Variants in SCAF11 observed in about 807,000 individuals in gnomAD.
SCAF11 encodes the protein protein SCAF11.
Under a neutral mutation model 140.5 loss-of-function variants are expected in SCAF11, and 47 were observed. The observed-to-expected ratio is 0.33, with a 90% CI of 0.26 to 0.43. The LOEUF is 0.43. Among genes scored for constraint, SCAF11 ranks in the 20% least tolerant of loss-of-function variants. SCAF11 has a pLI of 1.00. For missense variants in SCAF11, 1,645 were observed against 1,705.1 expected (o/e 0.96, Z 0.62); for synonymous variants, 557 against 579.4 (o/e 0.96, Z 0.55).
At chr12:45,988,166 A>C (rs1306305249) in intron 1 of SCAF11, among the ~76,000 whole-genome samples, 2 of 152,216 alleles carry the variant, frequency 1.3e-5, no homozygotes, top group South Asian at 2.1e-4. Flanking sequence ...TTCACTGGGC[A>C]AGGTAAGTCA....
chr12:45,961,400 A>T, intron 3 of SCAF11: 1 of 681,102 alleles, frequency 1.5e-6, no homozygotes, highest in South Asian at 1.6e-5. Context: ...GCACAGAGTC[A>T]AGTACACTGA....
At chr12:45,958,081 T>C (rs998275071) in intron 3 of SCAF11, among the ~76,000 whole-genome samples, 57 of 151,820 alleles carry the variant, frequency 3.8e-4, no homozygotes, top group Non-Finnish European at 5.5e-4. Flanking sequence ...TTTTTTTTTT[T>C]CCCAGTAGAG....
chr12:45,954,659 T>C (rs1377393053), intron 3 of SCAF11: 4 of 148,638 alleles, frequency 2.7e-5, no homozygotes, highest in African/African-American at 1.0e-4. Context: ...AGGCTTGAAC[T>C]CCTGGGGCTC....
At position 45,990,421 on chromosome 12, in the gene SCAF11, C is replaced by T. The variant is rs1946569760; in HGVS notation, c.-90G>A. ...GTAGGTTCCCAGGTCCCAGTCACTC[C>T]GCTGCCAAGTTCCCCAACATGGACT... is the stretch of plus-strand genomic sequence containing the variant. On this transcript the variant is annotated 5_prime_UTR_variant, in exon 1 of 15. Transcript: ENST00000369367. 6.5e-6 allele frequency: 8 copies of T among 1,232,174 alleles called. No homozygotes were observed. The East Asian group carries it at 2.5e-4, about 39-fold the overall frequency. 76.3% of individuals were successfully genotyped at this position (1,232,174 alleles called of 1,614,324 possible). A position where few individuals can be genotyped will look rare whatever the true frequency, so the allele number is the denominator to read the frequency against.
At chr12:45,932,657 GCTT>G (rs1945078232) in intron 9 of SCAF11, among the ~76,000 whole-genome samples, 1 of 152,096 alleles carries the variant, frequency 6.6e-6, no homozygotes, top group Admixed American at 6.6e-5. Flanking sequence ...CATCTTAGTA[GCTT>G]CAAGAATAAA....
At chr12:45,951,749 A>T (rs373479291) in intron 3 of SCAF11, 22 bp from the exon 4 acceptor site, 116 of 1,461,372 alleles carry the variant, frequency 7.9e-5, no homozygotes, top group Non-Finnish European at 1.0e-4. Context: ...TTAACAAATT[A>T]TATCTTTACA....
intron 5 of SCAF11, among the ~76,000 whole-genome samples, chr12:45,946,015 C>G (rs954493246): frequency 6.6e-6 from 1 of 152,084 alleles, no homozygotes; most frequent in Non-Finnish European, 1.5e-5. Context: ...AAACAACAAT[C>G]TTACTGGCTG....
chr12:45,926,896 G>A lies in SCAF11; in HGVS notation c.2805C>T (p.Ser935=). 1.2e-6 allele frequency: 2 copies of A among 1,613,540 alleles called. No homozygotes were observed. The highest frequency in any genetic ancestry group is 1.7e-6 in the Non-Finnish European group (2 of 1,180,006). ...TTGAGGGGGACCTAGAATGAGATCT[G>A]GACCTAGACCACTTTCTGGTTCTCC... is the stretch of plus-strand genomic sequence containing the variant. ...RERRTRKWSR[S]RSHSRSPSRC... The change falls in exon 11 of 15, where the codon TCC becomes TCT. Residue 935 remains serine, a synonymous_variant. Transcript: ENST00000369367.
chr12:45,981,114 C>T (rs961301159), intron 1 of SCAF11, among the ~76,000 whole-genome samples: 4 of 152,144 alleles, frequency 2.6e-5, no homozygotes, highest in Non-Finnish European at 4.4e-5. Flanking sequence ...GAGTGATATT[C>T]GGATTATCAC....
At chr12:45,990,600 CCTCCCTCCCCTCCCCTCCCTGCGCGT>C (rs1283644411), upstream of SCAF11, 3 of 1,224,964 alleles carry the variant, frequency 2.4e-6, no homozygotes, top group Non-Finnish European at 2.0e-6. Flanking sequence ...TGTCTAGCCT[CCTCCCTCCCCTCCCCTCCCTGCGCGT>C]CTCCCTCCTC....
chr12:45,927,891 C>T lies in SCAF11; in HGVS notation c.1810G>A (p.Glu604Lys). ...EHKDFTLKTE[E>K]LIESPKLESS... Reference sequence around the variant, plus strand: ...TCTAACTTGGGGCTCTCTATAAGCTCCTCTGTTTTTAGTGTAAAATCTTTA... The same window carrying T: ...TCTAACTTGGGGCTCTCTATAAGCTTCTCTGTTTTTAGTGTAAAATCTTTA... Residue 604 changes from glutamate to lysine, a missense_variant, in exon 11 of 15, where the codon GAG (glutamate) becomes AAG (lysine). Transcript: ENST00000369367. 6.2e-7 allele frequency: 1 copy of T among 1,612,552 alleles called. No individual in the cohort carries two copies. The highest frequency in any genetic ancestry group is 1.1e-5 in the South Asian group (1 of 90,726).
intron 2 of SCAF11, among the ~76,000 whole-genome samples, chr12:45,962,802 A>C (rs971016969): frequency 2.0e-5 from 3 of 152,230 alleles, no homozygotes; most frequent in African/African-American, 7.2e-5. Flanking sequence ...AAGAGGTCCC[A>C]GCATGGGCCT....
At chr12:45,991,248 A>G (rs1475307445), upstream of SCAF11, among the ~76,000 whole-genome samples, 3 of 152,156 alleles carry the variant, frequency 2.0e-5, no homozygotes, top group Non-Finnish European at 4.4e-5. Context: ...GGGCTTTCCC[A>G]TGTCTTAACC....
At chr12:45,985,796 T>C (rs1946447938) in intron 1 of SCAF11, among the ~76,000 whole-genome samples, 1 of 152,210 alleles carries the variant, frequency 6.6e-6, no homozygotes. Flanking sequence ...TAGAGAAGCA[T>C]CAATCTGAAA....
intron 2 of SCAF11, 119 bp from the exon 3 acceptor site, chr12:45,961,976 C>T (rs1372972780): frequency 6.3e-5 from 39 of 616,746 alleles, no homozygotes; most frequent in Non-Finnish European, 8.6e-5. Flanking sequence ...GCAAATAGAT[C>T]TTAGATAAAT....
intron 1 of SCAF11, among the ~76,000 whole-genome samples, chr12:45,979,155 T>C (rs1201574284): frequency 7.0e-6 from 1 of 141,892 alleles, no homozygotes; most frequent in Non-Finnish European, 1.5e-5. Context: ...AGGGCCCTGT[T>C]AGTTCTCTCC....
chr12:45,926,929 C>T lies in SCAF11; in HGVS notation c.2772G>A (p.Glu924=), dbSNP rs762321406. 1.7e-5 allele frequency: 28 copies of T among 1,612,824 alleles called. No individual in the cohort carries two copies. Among genetic ancestry groups the T allele is most frequent in the Non-Finnish European group, 2.3e-5 (27 of 1,179,996 alleles). ...RESDRDGQRR[E]RERRTRKWSR... is the part of the protein sequence containing the mutation. The stretch of plus-strand genomic sequence containing the variant: ...ACCACTTTCTGGTTCTCCTTTCTCT[C>T]TCTCTCCTCTGCCCATCTCTATCAC... Residue 924 remains glutamate, a synonymous_variant, in exon 11 of 15, where the codon GAG becomes GAA. Transcript: ENST00000369367.
intron 6 of SCAF11, among the ~76,000 whole-genome samples, chr12:45,944,567 T>A (rs951069408): frequency 6.6e-6 from 1 of 152,236 alleles, no homozygotes; most frequent in African/African-American, 2.4e-5. Flanking sequence ...GGAAAATAAA[T>A]GCCCACCTCC....
rs138904984 is a variant in SCAF11 at position 45,953,042 on chromosome 12, T to A, written c.220-1315A>T. The stretch of plus-strand genomic sequence containing the variant: ...GCCAAAATATGGGCTGAGTTACTAT[T>A]TTCTTTCTCTTTTAAGTGGGCTTCA... On this transcript the variant is annotated intron_variant, in intron 3 of 14. Transcript: ENST00000369367. 3.8e-3 allele frequency among the ~76,000 whole-genome samples: 572 copies of A among 152,330 alleles called. 5 individuals are homozygous for A. Among genetic ancestry groups the A allele is most frequent in the African/African-American group, 0.013 (541 of 41,566 alleles).
Sources: allele counts gnomAD v4.1 joint callset (sites outside exome capture counted in the v4.1 genomes callset), GRCh38; gene constraint gnomAD v4.1.1; transcripts MANE v1.5; gene names NCBI Gene and HGNC (gene_info 2026-07-23, HGNC 2026-07-21).